Variants in FLOT1 observed in about 807,000 individuals in gnomAD.
The protein encoded by FLOT1 is flotillin 1.
FLOT1 carries 40 observed loss-of-function variants against 58.4 expected under a neutral mutation model. The ratio of observed to expected loss-of-function variants is 0.69; its 90% confidence interval spans 0.53 to 0.89. FLOT1 has a LOEUF of 0.89. Among genes scored for constraint, FLOT1 ranks in the 40% least tolerant of loss-of-function variants. FLOT1 has a pLI of 0.00. For synonymous variants in FLOT1, 178 were observed against 204.2 expected (o/e 0.87, Z 1.09); for missense variants, 423 against 540.8 (o/e 0.78, Z 2.16).
At position 30,740,591 on chromosome 6, in the gene FLOT1, C is replaced by A. The variant is rs1777899009; in HGVS notation, c.475G>T (p.Asp159Tyr). Reference sequence around the variant, plus strand: ...GCCTTCCCCAAAGAGTGCAAATAGTCCTGTGGGAGAGATGTAGAAATTAGT... The same window carrying A: ...GCCTTCCCCAAAGAGTGCAAATAGTACTGTGGGAGAGATGTAGAAATTAGT... Reference protein sequence around the residue: ...YTLKDIHDDQDYLHSLGKART... With the variant: ...YTLKDIHDDQYYLHSLGKART... The change falls in exon 7 of 13, where the codon GAC (aspartate) becomes TAC (tyrosine). Residue 159 changes from aspartate to tyrosine, a missense_variant and splice_region_variant. By Grantham distance (160) the Asp-to-Tyr change is radical. Around this residue, in one of 6 missense-constraint regions of FLOT1, gnomAD observed 137 missense variants for 194.6 expected, o/e 0.70. Coordinates refer to ENST00000376389, the MANE Select transcript of FLOT1 (RefSeq NM_005803.4). 1 of 1,612,810 alleles carries A rather than the reference C, an allele frequency of 6.2e-7. No homozygotes were observed. The highest frequency in any genetic ancestry group is 1.3e-5 in the African/African-American group (1 of 74,852).
Position 30,730,673 on chromosome 6 carries a change from T to C in FLOT1, c.951+9A>G. The C allele has an allele frequency of 6.2e-7, 1 of 1,613,750 alleles. No individual in the cohort carries two copies. Among genetic ancestry groups the C allele is most frequent in the Non-Finnish European group, 8.5e-7 (1 of 1,180,042 alleles). Reference sequence around the variant, plus strand: ...CCACAAGCCAGCATGGAACTGCCTCTTAACTCACCCGCACAGACGCGGCTT... The same window carrying C: ...CCACAAGCCAGCATGGAACTGCCTCCTAACTCACCCGCACAGACGCGGCTT... On this transcript the variant is annotated intron_variant, in intron 10 of 12. Coordinates refer to ENST00000376389, the MANE Select transcript of FLOT1 (RefSeq NM_005803.4).
In FLOT1 at chr6:30,741,903, G is replaced by T; in HGVS notation, c.44-36C>A. 1 of 1,589,278 alleles carries T rather than the reference G, an allele frequency of 6.3e-7. No individual in the cohort carries two copies. Among genetic ancestry groups the T allele is most frequent in the Non-Finnish European group, 8.6e-7 (1 of 1,160,170 alleles). ...TGGGGCAGTGAGGAACGGTGGCAGA[G>T]CTTGAATGTGGAAGACTGAGGAACT... On this transcript the variant is annotated intron_variant, in intron 2 of 12. Transcript: ENST00000376389. The surrounding 1 kb of genome is among the most constrained non-coding windows in gnomAD (Gnocchi z 5.9).
At chr6:30,730,631 A>G in intron 10 of FLOT1, 51 bp downstream of exon 10, 2 of 1,613,886 alleles carry the variant, frequency 1.2e-6, no homozygotes, top group Non-Finnish European at 1.7e-6. Flanking sequence ...CCGATCAAGC[A>G]GCAACCCCCA....
At position 30,740,168 on chromosome 6, in the gene FLOT1, T is replaced by C. The variant is rs989058565; in HGVS notation, c.713A>G (p.Tyr238Cys). ...GGCAGTGGCTCTGACCTGAAGCTGA[T>C]AGGCCAGGTCAGCCTGTGCTCGGCG... ...NTRRAQADLA[Y>C]QLQVAKTKQQ... The change falls in exon 8 of 13, where the codon TAT becomes TGT. Residue 238 changes from tyrosine (Y) to cysteine (C), a missense_variant. Physicochemically the swap from Tyr to Cys is radical, Grantham distance 194. This residue lies in a region of FLOT1 where 137 missense variants were observed against 194.6 expected (regional missense o/e 0.70). Coordinates refer to ENST00000376389, the MANE Select transcript of FLOT1 (RefSeq NM_005803.4). 3.1e-6 allele frequency: 5 copies of C among 1,612,852 alleles called. No individual in the cohort carries two copies. In the African/African-American group the frequency reaches 4.0e-5, roughly 13 times the overall value.
Position 30,742,454 on chromosome 6 carries a change from G to T in FLOT1, c.-15+73C>A. 1.8e-6 allele frequency: 1 copy of T among 568,026 alleles called. No homozygotes were observed. The highest frequency in any genetic ancestry group is 3.1e-6 in the Non-Finnish European group (1 of 318,182). 35.2% of individuals were successfully genotyped at this position (568,026 alleles called of 1,614,324 possible). On this transcript the variant is annotated intron_variant, in intron 1 of 12. Transcript: ENST00000376389. This position sits in a 1 kb window ranked among gnomAD's most constrained non-coding sequence, Gnocchi z 5.2. ...CTTTGATAAAGGTCCCCCGCGCCCAGAGGCCTGCAGACCTTTCCCCTCTCT... is the reference window on the plus strand; with the variant it reads ...CTTTGATAAAGGTCCCCCGCGCCCATAGGCCTGCAGACCTTTCCCCTCTCT...
chr6:30,728,642 G>C (rs900667965), intron 12 of FLOT1, among the ~76,000 whole-genome samples: 1 of 150,690 alleles, frequency 6.6e-6, no homozygotes, highest in African/African-American at 2.4e-5. Context: ...GCTAATTTTT[G>C]TATTTTTGGT....
chr6:30,730,656 C>T, intron 10 of FLOT1, 26 bp downstream of exon 10: 1 of 1,613,838 alleles, frequency 6.2e-7, no homozygotes. Flanking sequence ...CTCCACAAGC[C>T]AGCATGGAAC....
At chr6:30,732,271 G>C (rs1173126809) in intron 8 of FLOT1, among the ~76,000 whole-genome samples, 1 of 151,596 alleles carries the variant, frequency 6.6e-6, no homozygotes, top group Non-Finnish European at 1.5e-5. Flanking sequence ...ACCCAGCCTA[G>C]ATTTCATCTT....
chr6:30,731,158 C>T, intron 8 of FLOT1, 58 bp from the exon 9 acceptor site: 1 of 1,508,778 alleles, frequency 6.6e-7, no homozygotes, highest in Non-Finnish European at 8.9e-7. Context: ...GAGCAAGTGC[C>T]CGGGAACCAG....
chr6:30,729,073 T>C (rs1776961676), intron 12 of FLOT1, among the ~76,000 whole-genome samples: 1 of 148,690 alleles, frequency 6.7e-6, no homozygotes, highest in Non-Finnish European at 1.5e-5. Flanking sequence ...CTACCGCGCC[T>C]GGAATTTTTT....
intron 8 of FLOT1, 148 bp downstream of exon 8, chr6:30,740,008 ATC>A (rs1195878639): frequency 1.4e-6 from 1 of 734,582 alleles, no homozygotes; most frequent in African/African-American, 1.8e-5. Context: ...AGTCTTTTAA[ATC>A]TCTCCTCATA....
chr6:30,741,951 C>T lies in FLOT1; in HGVS notation c.44-84G>A. On this transcript the variant is annotated intron_variant, in intron 2 of 12. Transcript: ENST00000376389. The surrounding 1 kb of genome is among the most constrained non-coding windows in gnomAD (Gnocchi z 5.9). The stretch of plus-strand genomic sequence containing the variant: ...ACTGGCGGGGGTGAGGGGACAGCAA[C>T]CCACAGGAGAGAATCTGGGAGCTGG... The T allele has an allele frequency of 7.5e-7, 1 of 1,332,332 alleles. No individual in the cohort carries two copies. Among genetic ancestry groups the T allele is most frequent in the Non-Finnish European group, 1.1e-6 (1 of 934,308 alleles). The allele number at this position is 1,332,332 out of a possible 1,614,324, so 82.5% of individuals were successfully genotyped here.
At chr6:30,740,959 G>T (rs1183139263) in intron 5 of FLOT1, 161 bp from the exon 6 acceptor site, 26 of 1,176,098 alleles carry the variant, frequency 2.2e-5, no homozygotes, top group Non-Finnish European at 3.0e-5. Flanking sequence ...GCTAATTTTT[G>T]TATTTGTAGT....
chr6:30,734,145 C>T (rs1278383056), intron 8 of FLOT1, among the ~76,000 whole-genome samples: 1 of 150,244 alleles, frequency 6.7e-6, no homozygotes, highest in Non-Finnish European at 1.5e-5. Context: ...ATTTTTTGTC[C>T]TCAGCATTCT....
Position 30,740,666 on chromosome 6 carries a change from T to C in FLOT1, c.474+13A>G, listed in dbSNP as rs762804018. Reference sequence around the variant, plus strand: ...AGCAAGGAAGTGGGGAAGGATCAATTGCCTAGTTTTACCTGGTCATCGTGA... The same window carrying C: ...AGCAAGGAAGTGGGGAAGGATCAATCGCCTAGTTTTACCTGGTCATCGTGA... On this transcript the variant is annotated intron_variant, in intron 6 of 12. Transcript: ENST00000376389. 1 of 1,612,946 alleles carries C rather than the reference T, an allele frequency of 6.2e-7. No individual in the cohort carries two copies. The highest frequency in any genetic ancestry group is 8.5e-7 in the Non-Finnish European group (1 of 1,180,010).
At chr6:30,733,740 C>CA (rs35048121) in intron 8 of FLOT1, among the ~76,000 whole-genome samples, 2,815 of 62,856 alleles carry the variant, frequency 0.045, 81 homozygotes, top group African/African-American at 0.095. Context: ...AAATCCATCT[C>CA]AAAAAAAAAA....
chr6:30,731,048 A>C lies in FLOT1; in HGVS notation c.776T>G (p.Val259Gly), dbSNP rs1453673619. The C allele has an allele frequency of 3.7e-6, 6 of 1,611,084 alleles. No individual in the cohort carries two copies. The highest frequency in any genetic ancestry group is 5.1e-6 in the Non-Finnish European group (6 of 1,179,824). The change falls in exon 9 of 13, where the codon GTG becomes GGG. Residue 259 changes from valine to glycine, a missense_variant. Physicochemically the swap from Val to Gly is moderately radical, Grantham distance 109. Coordinates refer to ENST00000376389, the MANE Select transcript of FLOT1 (RefSeq NM_005803.4). ...IEEQRVQVQV[V>G]ERAQQVAVQE... Reference sequence around the variant, plus strand: ...CACTGCCACCTGCTGGGCCCGCTCCACCACCTGCACCTGCACCCGCTGCTC... The same window carrying C: ...CACTGCCACCTGCTGGGCCCGCTCCCCCACCTGCACCTGCACCCGCTGCTC...
rs1269120276 is a variant in FLOT1, at chr6:30,740,780, G to T, written c.373C>A (p.Gln125Lys). The T allele has an allele frequency of 6.2e-7, 1 of 1,612,124 alleles. No homozygotes were observed. The highest frequency in any genetic ancestry group is 8.5e-7 in the Non-Finnish European group (1 of 1,179,908). Residue 125 changes from glutamine (Q) to lysine (K), a missense_variant, in exon 6 of 13, where the codon CAG becomes AAG. By Grantham distance (53) the Gln-to-Lys change is moderately conservative. Around this residue, in one of 6 missense-constraint regions of FLOT1, gnomAD observed 137 missense variants for 194.6 expected, o/e 0.70. Transcript: ENST00000376389. The stretch of plus-strand genomic sequence containing the variant: ...TTGAAAACCTGTTCTGAGAATTTCT[G>T]CCTGTCCTTATAGATCTCCTGTGAT... ...MTVEEIYKDRQKFSEQVFKVA... is the reference protein window; with the variant it reads ...MTVEEIYKDRKKFSEQVFKVA...
chr6:30,729,928 C>T, intron 12 of FLOT1, 94 bp downstream of exon 12: 1 of 1,114,466 alleles, frequency 9.0e-7, no homozygotes, highest in Non-Finnish European at 1.3e-6. Context: ...ACATCAATGA[C>T]TCCCAGGCCT....
Sources: gnomAD v4.1 joint callset for allele counts (sites outside exome capture counted in the v4.1 genomes callset) on GRCh38, gnomAD v4.1.1 for gene constraint, gnomAD v4.1.1 regional missense constraint, Gnocchi (gnomAD v3.1) non-coding constraint, MANE v1.5 for transcripts, NCBI Gene and HGNC (gene_info 2026-07-23, HGNC 2026-07-21) for gene names.